The following ZNF699 variants were observed in gnomAD, a reference collection of about 807,000 sequenced individuals.
ZNF699 encodes the protein hangover homolog.
Under a neutral mutation model 22.5 loss-of-function variants are expected in ZNF699, and 18 were observed. The observed-to-expected ratio is 0.80, with a 90% CI of 0.55 to 1.19. The LOEUF is 1.19. Among genes scored for constraint, ZNF699 ranks in the 50% most tolerant of loss-of-function variants. ZNF699 has a pLI of 0.00. For synonymous variants in ZNF699, 241 were observed against 262.3 expected, an observed-to-expected ratio of 0.92 and a Z score of 0.78; for missense variants, 670 against 763.4, an observed-to-expected ratio of 0.88 and a Z score of 1.44.
In ZNF699 at chr19:9,293,561, T is replaced by G. The variant is rs1025988399; in HGVS notation, c.*1914A>C. Among the ~76,000 whole-genome samples the G allele has an allele frequency of 6.6e-6, 1 of 152,172 alleles. No individual in the cohort carries two copies. Among genetic ancestry groups the G allele is most frequent in the Non-Finnish European group, 1.5e-5 (1 of 68,024 alleles). ...TAACTGTATATATTGTATTTTAACA[T>G]TTGGATGAAAATCAAGAACAAGCAC... On this transcript the variant is annotated 3_prime_UTR_variant, in exon 6 of 6. Coordinates refer to ENST00000591998, the MANE Select transcript of ZNF699 (RefSeq NM_198535.3).
rs2144971451 is a variant in ZNF699 at position 9,292,582 on chromosome 19, C to T, written c.*2893G>A. 6.6e-6 allele frequency among the ~76,000 whole-genome samples: 1 copy of T among 152,074 alleles called. No homozygotes were observed. Among genetic ancestry groups the T allele is most frequent in the East Asian group, 1.9e-4 (1 of 5,198 alleles). ...CCCCAGGATTTAGCCATGTCTGAAG[C>T]TCGTTATACCCAAGGACTTTTTAGT... is the stretch of plus-strand genomic sequence containing the variant. On this transcript the variant is annotated 3_prime_UTR_variant, in exon 6 of 6. Coordinates refer to ENST00000591998, the MANE Select transcript of ZNF699 (RefSeq NM_198535.3).
intron 1 of ZNF699, among the ~76,000 whole-genome samples, chr19:9,306,972 G>A (rs561740163): frequency 6.6e-5 from 10 of 152,294 alleles, no homozygotes; most frequent in African/African-American, 2.2e-4. Flanking sequence ...GACCAAGGTC[G>A]GGGGAATCAC....
chr19:9,296,118 TAGA>T lies in ZNF699; in HGVS notation c.1283_1285del (p.Phe428del). The T allele has an allele frequency of 1.9e-6, 3 of 1,611,000 alleles. No homozygotes were observed. Among genetic ancestry groups the T allele is most frequent in the Non-Finnish European group, 2.5e-6 (3 of 1,179,132 alleles). On this transcript the variant is annotated inframe_deletion, in exon 6 of 6. Transcript: ENST00000591998. ...ATGTGTATTAAGGGAAGTGGGAAGGTAGAAGGCCTTTCCACATTCCAGACATTC... is the reference window on the plus strand; with the variant it reads ...ATGTGTATTAAGGGAAGTGGGAAGGTAGGCCTTTCCACATTCCAGACATTC...
Position 9,296,030 on chromosome 19 carries a change from A to G in ZNF699, c.1374T>C (p.Cys458=). Residue 458 remains cysteine, a synonymous_variant, in exon 6 of 6, where the codon TGT becomes TGC. Transcript: ENST00000591998. ...ECKECGKAFS[C]PSSFRAHVRD... ...TCACATGTGCTCTAAAGGACGAGGG[A>G]CAACTAAAGGCCTTCCCACATTCCT... 1 of 1,614,094 alleles carries G rather than the reference A, an allele frequency of 6.2e-7. No homozygotes were observed. Among genetic ancestry groups the G allele is most frequent in the Non-Finnish European group, 8.5e-7 (1 of 1,180,020 alleles).
In ZNF699 at chr19:9,296,153, T is replaced by C. The variant is rs374232425; in HGVS notation, c.1251A>G (p.Lys417=). The part of the protein sequence containing the change: ...SIHMRKHTGE[K]PYECLECGKA... ...TTCCACATTCCAGACATTCATACGG[T>C]TTTTCTCCAGTGTGTTTTCTCATAT... The change falls in exon 6 of 6, where the codon AAA becomes AAG. Residue 417 remains lysine, a synonymous_variant. Coordinates refer to ENST00000591998, the MANE Select transcript of ZNF699 (RefSeq NM_198535.3). The C allele has an allele frequency of 2.0e-5, 32 of 1,613,378 alleles. No homozygotes were observed. In the African/African-American group the frequency reaches 4.0e-4, roughly 20 times the overall value.
At chr19:9,308,870 G>C (rs2066336956) in intron 1 of ZNF699, among the ~76,000 whole-genome samples, 1 of 152,172 alleles carries the variant, frequency 6.6e-6, no homozygotes, top group African/African-American at 2.4e-5. Flanking sequence ...CAAATTTTCT[G>C]TGTGAAATTT....
In ZNF699 at chr19:9,297,470, G is replaced by A. The variant is rs757523980; in HGVS notation, c.296C>T (p.Thr99Ile). ...AACTGATTCATTAGTTTTAAGTTGAGTCTCAAAACCTGAAACGAAAAAAAG... is the reference window on the plus strand; with the variant it reads ...AACTGATTCATTAGTTTTAAGTTGAATCTCAAAACCTGAAACGAAAAAAAG... ...FMGEHREGFE[T>I]QLKTNESVAS... The change falls in exon 5 of 6, where the codon ACT becomes ATT. Residue 99 changes from threonine to isoleucine, a missense_variant. Transcript: ENST00000591998. This position sits in a 1 kb window ranked among gnomAD's most constrained non-coding sequence, Gnocchi z 4.3. The A allele has an allele frequency of 3.2e-6, 5 of 1,563,800 alleles. No individual in the cohort carries two copies. Among genetic ancestry groups the A allele is most frequent in the African/African-American group, 2.8e-5 (2 of 71,844 alleles).
rs1167318101 is a variant in ZNF699, at chr19:9,294,258, T to A, written c.*1217A>T. On this transcript the variant is annotated 3_prime_UTR_variant, in exon 6 of 6. Transcript: ENST00000591998. ...ACTGAGGTCAAGCAAGCATTTAATG[T>A]TTGGTTTTTTATTTCGTTTTGTTTT... 1 of 152,184 alleles carries A rather than the reference T, an allele frequency of 6.6e-6. No individual in the cohort carries two copies. The highest frequency in any genetic ancestry group is 1.9e-4 in the East Asian group (1 of 5,194). The allele number at this position is 152,184 out of a possible 1,614,324, so 9.4% of individuals were successfully genotyped here. A position where few individuals can be genotyped will look rare whatever the true frequency, so the allele number is the denominator to read the frequency against.
Position 9,296,468 on chromosome 19 carries a change from A to G in ZNF699, c.936T>C (p.Cys312=). 7 of 1,614,198 alleles carry G rather than the reference A, an allele frequency of 4.3e-6. No homozygotes were observed. Among genetic ancestry groups the G allele is most frequent in the Non-Finnish European group, 5.9e-6 (7 of 1,180,018 alleles). ...AGGAGGAACAACTGAAGGCCTTCCC[A>G]CATTCCTTACATTCATAAGGCTTAT... is the stretch of plus-strand genomic sequence containing the variant. ...SGDKPYECKE[C]GKAFSCSSSL... Residue 312 remains cysteine (C), a synonymous_variant, in exon 6 of 6, where the codon TGT becomes TGC. Coordinates refer to ENST00000591998, the MANE Select transcript of ZNF699 (RefSeq NM_198535.3).
chr19:9,308,327 A>C (rs61199015), intron 1 of ZNF699, among the ~76,000 whole-genome samples: 32,452 of 151,944 alleles, frequency 0.21, 6,137 homozygotes, highest in African/African-American at 0.51. Flanking sequence ...ACAACAACAA[A>C]AAAAAAATGA....
rs1477938287 is a variant in ZNF699 at position 9,309,822 on chromosome 19, T to C, written c.-478A>G. The C allele has an allele frequency of 6.6e-6, 1 of 152,508 alleles. No homozygotes were observed. The highest frequency in any genetic ancestry group is 2.4e-5 in the African/African-American group (1 of 41,432). 9.4% of individuals were successfully genotyped at this position (152,508 alleles called of 1,614,324 possible). On this transcript the variant is annotated 5_prime_UTR_variant, in exon 1 of 6. Transcript: ENST00000591998. ...GGGCGGAGGCGTAGGGTGACAAGGC[T>C]GTCGACTCGCGCATGCGCAGAAGCA... is the stretch of plus-strand genomic sequence containing the variant.
Position 9,296,538 on chromosome 19 carries a change from C to T in ZNF699, c.866G>A (p.Ser289Asn). 3 of 1,613,972 alleles carry T rather than the reference C, an allele frequency of 1.9e-6. No individual in the cohort carries two copies. The highest frequency in any genetic ancestry group is 2.5e-6 in the Non-Finnish European group (3 of 1,179,952). ...YECKECGKGFSCSSSLTEHKR... is the reference protein window; with the variant it reads ...YECKECGKGFNCSSSLTEHKR... ...GTGTTCTGTGAGCGATGAGGAACAA[C>T]TAAAACCTTTCCCACATTCTTTACA... Residue 289 changes from serine to asparagine, a missense_variant, in exon 6 of 6, where the codon AGT becomes AAT. Coordinates refer to ENST00000591998, the MANE Select transcript of ZNF699 (RefSeq NM_198535.3).
intron 1 of ZNF699, among the ~76,000 whole-genome samples, chr19:9,305,874 CTG>C (rs1196722488): frequency 6.6e-6 from 1 of 151,842 alleles, no homozygotes; most frequent in Non-Finnish European, 1.5e-5. Context: ...GCTAATTTTT[CTG>C]TGTTTTTAGT....
rs535603040 is a variant in ZNF699 at position 9,307,650 on chromosome 19, GA to G, written c.-6+1699del. ...TTATAAGCATTATCAACTCCTAGAG[GA>G]AAAAAAATCAGTACTGGCCAGGCAC... On this transcript the variant is annotated intron_variant, in intron 1 of 5. Coordinates refer to ENST00000591998, the MANE Select transcript of ZNF699 (RefSeq NM_198535.3). Among the ~76,000 whole-genome samples, 554 of 151,884 alleles carry G rather than the reference GA, an allele frequency of 3.6e-3. 4 individuals are homozygous for G. Among genetic ancestry groups the G allele is most frequent in the African/African-American group, 0.013 (518 of 41,422 alleles).
At chr19:9,302,259 A>C in intron 3 of ZNF699, 119 bp downstream of exon 3, 2 of 1,196,326 alleles carry the variant, frequency 1.7e-6, no homozygotes, top group Non-Finnish European at 2.4e-6. Context: ...GTCAGTGACC[A>C]TATCTGTCTT....
chr19:9,304,259 TTA>T (rs1272208318), intron 2 of ZNF699, among the ~76,000 whole-genome samples: 1 of 152,234 alleles, frequency 6.6e-6, no homozygotes, highest in African/African-American at 2.4e-5. Flanking sequence ...CATCGATTCC[TTA>T]TTACAGAAAT....
At chr19:9,302,871 T>A (rs1305830193) in intron 2 of ZNF699, among the ~76,000 whole-genome samples, 3 of 151,838 alleles carry the variant, frequency 2.0e-5, no homozygotes, top group Non-Finnish European at 4.4e-5. Context: ...AAAATTTTTT[T>A]AAAAAATAGC....
chr19:9,300,194 C>A (rs2066302168), intron 3 of ZNF699, among the ~76,000 whole-genome samples: 2 of 152,168 alleles, frequency 1.3e-5, no homozygotes, highest in African/African-American at 4.8e-5. Context: ...CATTCTCCTG[C>A]CTCAGCCTCC....
rs1226504099 is a variant in ZNF699, at chr19:9,297,526, CAG to C, written c.287-49_287-48del. On this transcript the variant is annotated intron_variant, in intron 4 of 5. Transcript: ENST00000591998. This position sits in a 1 kb window ranked among gnomAD's most constrained non-coding sequence, Gnocchi z 4.3. ...GCTTCCATGAGCCAAGGACTTTTAG[CAG>C]AGTGACTATTTCAGGACTTTGGTAT... The C allele has an allele frequency of 2.7e-6, 4 of 1,474,158 alleles. No individual in the cohort carries two copies. Among genetic ancestry groups the C allele is most frequent in the Non-Finnish European group, 3.6e-6 (4 of 1,104,414 alleles). 91.3% of individuals were successfully genotyped at this position (1,474,158 alleles called of 1,614,324 possible).
Sources: allele counts gnomAD v4.1 joint callset (sites outside exome capture counted in the v4.1 genomes callset), GRCh38; gene constraint gnomAD v4.1.1; non-coding constraint Gnocchi (gnomAD v3.1); transcripts MANE v1.5; gene names NCBI Gene and HGNC (gene_info 2026-07-23, HGNC 2026-07-21).